Variants in NOVA1 observed in about 807,000 individuals in gnomAD.
NOVA1 encodes NOVA alternative splicing regulator 1.
NOVA1 carries 7 observed loss-of-function variants against 38.0 expected under a neutral mutation model. The ratio of observed to expected loss-of-function variants is 0.18; its 90% CI spans 0.10 to 0.35. NOVA1 has a LOEUF of 0.35. NOVA1 is among the 10% of genes least tolerant of loss of function. The pLI, the probability that NOVA1 is intolerant of heterozygous loss-of-function variation, is 1.00. For synonymous variants in NOVA1, 270 were observed against 232.5 expected (o/e 1.16, Z -1.47); for missense variants, 460 against 616.0 (o/e 0.75, Z 2.68).
At chr14:26,581,198 C>T (rs1566556884) in intron 2 of NOVA1, among the ~76,000 whole-genome samples, 2 of 152,028 alleles carry the variant, frequency 1.3e-5, no homozygotes, top group Admixed American at 6.6e-5. Context: ...GTCTTGTATT[C>T]GTCGTACTTC....
At chr14:26,535,461 T>G (rs1479601233) in intron 2 of NOVA1, among the ~76,000 whole-genome samples, 9 of 152,180 alleles carry the variant, frequency 5.9e-5, no homozygotes, top group Admixed American at 2.6e-4. Flanking sequence ...GGAATTATTA[T>G]TCTAGTAGAT....
Position 26,571,763 on chromosome 14 carries a change from G to A in NOVA1, c.280+23647C>T, listed in dbSNP as rs184882653. On this transcript the variant is annotated intron_variant, in intron 2 of 4. Transcript: ENST00000539517. ...TGTCACATAGAAGAAGGCATTAATG[G>A]CCAGTGTAAATCACAGAGGCATCAA... is the stretch of plus-strand genomic sequence containing the variant. Among the ~76,000 whole-genome samples, 19 of 152,280 alleles carry A rather than the reference G, an allele frequency of 1.2e-4. No homozygotes were observed. In the East Asian group the frequency reaches 3.5e-3, roughly 28 times the overall value.
intron 2 of NOVA1, among the ~76,000 whole-genome samples, chr14:26,554,421 A>T (rs995559494): frequency 6.6e-6 from 1 of 152,084 alleles, no homozygotes; most frequent in Non-Finnish European, 1.5e-5. Flanking sequence ...CTAGACTTCA[A>T]CCTCTTCCAA....
At chr14:26,450,492 T>C (rs1882577068) in intron 4 of NOVA1, among the ~76,000 whole-genome samples, 1 of 152,110 alleles carries the variant, frequency 6.6e-6, no homozygotes, top group African/African-American at 2.4e-5. Flanking sequence ...AATCATTTCA[T>C]TTTATGGAAA....
At chr14:26,468,690 AT>A (rs1167883287) in intron 4 of NOVA1, among the ~76,000 whole-genome samples, 2 of 152,238 alleles carry the variant, frequency 1.3e-5, no homozygotes, top group African/African-American at 4.8e-5. Context: ...GTGGTCATGA[AT>A]TTAAAGTGAG....
At chr14:26,559,469 T>C (rs993074774) in intron 2 of NOVA1, among the ~76,000 whole-genome samples, 3 of 152,214 alleles carry the variant, frequency 2.0e-5, no homozygotes, top group Non-Finnish European at 4.4e-5. Flanking sequence ...TTATTATTAA[T>C]TGCTGTTGAC....
chr14:26,564,045 A>C (rs1461089425), intron 2 of NOVA1, among the ~76,000 whole-genome samples: 1 of 152,140 alleles, frequency 6.6e-6, no homozygotes, highest in African/African-American at 2.4e-5. Flanking sequence ...CAAGTTAATA[A>C]GTGGGAGTGG....
chr14:26,495,576 A>T lies in NOVA1; in HGVS notation c.281-15433T>A, dbSNP rs570703636. ...TTAGTTACATATGTATACATGTGAC[A>T]TGCTGGTGCGCTGCACCCACTAACT... is the stretch of plus-strand genomic sequence containing the variant. On this transcript the variant is annotated intron_variant, in intron 2 of 4. Coordinates refer to ENST00000539517, the MANE Select transcript of NOVA1 (RefSeq NM_002515.3). Among the ~76,000 whole-genome samples, 136 of 145,070 alleles carry T rather than the reference A, an allele frequency of 9.4e-4. 1 individual carries two copies. The highest frequency in any genetic ancestry group is 3.6e-3 in the African/African-American group (135 of 37,264).
intron 2 of NOVA1, among the ~76,000 whole-genome samples, chr14:26,578,149 A>C (rs1223372682): frequency 6.6e-6 from 1 of 152,178 alleles, no homozygotes; most frequent in South Asian, 2.1e-4. Context: ...AGAACTGACC[A>C]CTGAATAAAA....
intron 2 of NOVA1, among the ~76,000 whole-genome samples, chr14:26,483,494 A>ATCAGATG (rs1885627116): frequency 6.6e-6 from 1 of 152,234 alleles, no homozygotes; most frequent in Non-Finnish European, 1.5e-5. Context: ...ATAAATGGAT[A>ATCAGATG]AAATCATCAG....
At chr14:26,556,667 T>C (rs574644084) in intron 2 of NOVA1, among the ~76,000 whole-genome samples, 13 of 152,208 alleles carry the variant, frequency 8.5e-5, no homozygotes, top group African/African-American at 2.9e-4. Context: ...TCATTAAAAT[T>C]AAAACTTCTG....
intron 2 of NOVA1, among the ~76,000 whole-genome samples, chr14:26,492,201 T>C (rs543175837): frequency 5.1e-4 from 77 of 152,324 alleles, no homozygotes; most frequent in African/African-American, 1.7e-3. Context: ...CTGTGGTGTA[T>C]AGGAACTGAT....
At chr14:26,589,011 C>T (rs963569889) in intron 2 of NOVA1, among the ~76,000 whole-genome samples, 1 of 151,056 alleles carries the variant, frequency 6.6e-6, no homozygotes, top group Non-Finnish European at 1.5e-5. Context: ...AGAAAAAAAA[C>T]CTGTGCAAAC....
intron 2 of NOVA1, among the ~76,000 whole-genome samples, chr14:26,515,829 A>G (rs1216698622): frequency 2.0e-5 from 3 of 152,060 alleles, no homozygotes; most frequent in Admixed American, 6.6e-5. Context: ...TTACATTCAT[A>G]CATTTCTACA....
intron 3 of NOVA1, among the ~76,000 whole-genome samples, chr14:26,474,952 C>T (rs1245910656): frequency 6.6e-6 from 1 of 151,840 alleles, no homozygotes; most frequent in African/African-American, 2.4e-5. Flanking sequence ...TCGAAAGTTT[C>T]CTTTCAGTTG....
intron 2 of NOVA1, among the ~76,000 whole-genome samples, chr14:26,533,112 C>A (rs2049434007): frequency 6.6e-6 from 1 of 152,126 alleles, no homozygotes; most frequent in South Asian, 2.1e-4. Context: ...AGAGCTATCA[C>A]GTCTGAAATA....
rs535205365 is a variant in NOVA1 at position 26,455,703 on chromosome 14, GA to G, written c.520-6741del. On this transcript the variant is annotated intron_variant, in intron 4 of 4. Transcript: ENST00000539517. The stretch of plus-strand genomic sequence containing the variant: ...ATATAACTTAGGAATAAGAAAAATA[GA>G]AAAAAAAAATCTATGCTTTCTAGGT... Among the ~76,000 whole-genome samples the G allele has an allele frequency of 1.2e-3, 171 of 147,580 alleles. 1 individual carries two copies. The South Asian group carries it at 0.013, about 11-fold the overall frequency.
At chr14:26,489,357 T>C (rs1886155623) in intron 2 of NOVA1, among the ~76,000 whole-genome samples, 1 of 152,098 alleles carries the variant, frequency 6.6e-6, no homozygotes, top group South Asian at 2.1e-4. Context: ...GAATATCATA[T>C]CACTGACTAC....
chr14:26,592,871 A>T (rs1893945335), intron 2 of NOVA1: 1 of 151,736 alleles, frequency 6.6e-6, no homozygotes, highest in Non-Finnish European at 1.5e-5. Flanking sequence ...AAAGTTTCCG[A>T]AAACACACTA....
Sources: gnomAD v4.1 joint callset for allele counts (sites outside exome capture counted in the v4.1 genomes callset) on GRCh38, gnomAD v4.1.1 for gene constraint, MANE v1.5 for transcripts, NCBI Gene and HGNC (gene_info 2026-07-23, HGNC 2026-07-21) for gene names.